SV2B: variants seen among roughly 807,000 people sequenced by gnomAD.
The protein encoded by SV2B is synaptic vesicle glycoprotein 2B.
A neutral mutation model predicts 73.9 loss-of-function variants in SV2B; 41 were observed. The ratio of observed to expected loss-of-function variants is 0.56; its 90% confidence interval spans 0.43 to 0.72. The LOEUF is 0.72. SV2B is among the 30% of genes least tolerant of loss of function. The pLI is 0.00. For missense variants in SV2B, 764 were observed against 857.8 expected (o/e 0.89, Z 1.37); for synonymous variants, 314 against 314.2 (o/e 1.00, Z 0.01).
At chr15:91,213,872 A>G (rs1392573401) in intron 1 of SV2B, among the ~76,000 whole-genome samples, 1 of 152,218 alleles carries the variant, frequency 6.6e-6, no homozygotes, top group Non-Finnish European at 1.5e-5. Context: ...GATAATTAAC[A>G]AGTTAGCAAG....
intron 1 of SV2B, among the ~76,000 whole-genome samples, chr15:91,149,471 G>T (rs1449591602): frequency 6.6e-6 from 1 of 152,192 alleles, no homozygotes; most frequent in Non-Finnish European, 1.5e-5. Context: ...TCTCAGAAGA[G>T]AAACTTGAGT....
rs1475450322 is a variant in SV2B, at chr15:91,137,072, TG to T, written c.-392+36713del. Among the ~76,000 whole-genome samples, 2 of 152,184 alleles carry T rather than the reference TG, an allele frequency of 1.3e-5. No individual in the cohort carries two copies. Among genetic ancestry groups the T allele is most frequent in the Non-Finnish European group, 2.9e-5 (2 of 68,028 alleles). On this transcript the variant is annotated intron_variant, in intron 1 of 12. Coordinates refer to ENST00000394232, the MANE Select transcript of SV2B (RefSeq NM_001323032.3). The surrounding 1 kb of genome is among the most constrained non-coding windows in gnomAD (Gnocchi z 4.9). ...ATGATGCAACTTGTAAACCAGTTAT[TG>T]GGGTGACTCGTAAGAAGCAGGCAGT...
At chr15:91,192,219 G>A (rs8029256) in intron 1 of SV2B, among the ~76,000 whole-genome samples, 6,668 of 152,206 alleles carry the variant, frequency 0.044, 504 homozygotes, top group African/African-American at 0.15. Flanking sequence ...TTGTGGCACT[G>A]TTTGTCCTAA....
Position 91,292,868 on chromosome 15 carries a change from A to G in SV2B, c.*316A>G, listed in dbSNP as rs1226863970. 4 of 210,052 alleles carry G rather than the reference A, an allele frequency of 1.9e-5. No individual in the cohort carries two copies. Among genetic ancestry groups the G allele is most frequent in the Non-Finnish European group, 3.8e-5 (4 of 106,268 alleles). 13.0% of individuals were successfully genotyped at this position (210,052 alleles called of 1,614,324 possible). A position where few individuals can be genotyped will look rare whatever the true frequency, so the allele number is the denominator to read the frequency against. On this transcript the variant is annotated 3_prime_UTR_variant, in exon 13 of 13. Transcript: ENST00000394232. ...GAGGAGCAAGCATTTCTCTAAGTCAAGTGCAAGGACTTAACTTGCGTTTGA... is the reference window on the plus strand; with the variant it reads ...GAGGAGCAAGCATTTCTCTAAGTCAGGTGCAAGGACTTAACTTGCGTTTGA...
rs1278193337 is a variant in SV2B, at chr15:91,234,527, C to A, written c.451+7813C>A. ...GTCTGACCTATGTAGACCTGTGGTA[C>A]TGGCTAGTTCATTGTGGCATTTTTA... On this transcript the variant is annotated intron_variant, in intron 2 of 12. Transcript: ENST00000394232. The surrounding 1 kb of genome is among the most constrained non-coding windows in gnomAD (Gnocchi z 5.6). 6.6e-6 allele frequency among the ~76,000 whole-genome samples: 1 copy of A among 152,182 alleles called. No homozygotes were observed. The highest frequency in any genetic ancestry group is 1.5e-5 in the Non-Finnish European group (1 of 68,032).
In SV2B at chr15:91,106,271, G is replaced by A. The variant is rs368279427; in HGVS notation, c.-392+5908G>A. Among the ~76,000 whole-genome samples, 6 of 152,320 alleles carry A rather than the reference G, an allele frequency of 3.9e-5. No individual in the cohort carries two copies. In the South Asian group the frequency reaches 1.0e-3, roughly 26 times the overall value. On this transcript the variant is annotated intron_variant, in intron 1 of 12. Transcript: ENST00000394232. This position sits in a 1 kb window ranked among gnomAD's most constrained non-coding sequence, Gnocchi z 4.4. ...ATGTTAAGTAGTTCATTGCATATGA[G>A]AGTCTAGAGTTCAGGGAAGAGTTTC...
intron 1 of SV2B, among the ~76,000 whole-genome samples, chr15:91,183,324 A>G (rs1463704588): frequency 6.6e-6 from 1 of 152,240 alleles, no homozygotes; most frequent in African/African-American, 2.4e-5. Flanking sequence ...TTGACTTTCT[A>G]TTGTATACTG....
chr15:91,170,851 G>T (rs756846282), intron 1 of SV2B, among the ~76,000 whole-genome samples: 1 of 147,146 alleles, frequency 6.8e-6, no homozygotes, highest in Non-Finnish European at 1.5e-5. Flanking sequence ...TTGTATTTAG[G>T]TTTTTTTTTT....
upstream of SV2B, chr15:91,100,145 C>T (rs868791535): frequency 3.3e-5 from 5 of 152,256 alleles, no homozygotes; most frequent in Middle Eastern, 6.8e-3. This position sits in a 1 kb window ranked among gnomAD's most constrained non-coding sequence, Gnocchi z 6.4. Context: ...CAGGAGCCTC[C>T]CGCCCCGCGT....
In SV2B at chr15:91,101,569, G is replaced by A. The variant is rs191053364; in HGVS notation, c.-392+1206G>A. 1.5e-3 allele frequency among the ~76,000 whole-genome samples: 225 copies of A among 152,288 alleles called. 1 individual carries two copies. The highest frequency in any genetic ancestry group is 1.9e-3 in the Non-Finnish European group (129 of 68,024). The stretch of plus-strand genomic sequence containing the variant: ...AGGAGGTGGATAAGTTCATGATGGT[G>A]TTGGAAAAGAGCAGTGAGAGCAGAG... On this transcript the variant is annotated intron_variant, in intron 1 of 12. Transcript: ENST00000394232.
chr15:91,197,621 A>T lies in SV2B; in HGVS notation c.-391-28252A>T, dbSNP rs923370750. Among the ~76,000 whole-genome samples, 1 of 152,242 alleles carries T rather than the reference A, an allele frequency of 6.6e-6. No individual in the cohort carries two copies. ...CAAGAATGGATAAGTAAGGAGAGTT[A>T]TCCCTAGGAATACTATATAGCAGTT... is the stretch of plus-strand genomic sequence containing the variant. On this transcript the variant is annotated intron_variant, in intron 1 of 12. Coordinates refer to ENST00000394232, the MANE Select transcript of SV2B (RefSeq NM_001323032.3). The surrounding 1 kb of genome is among the most constrained non-coding windows in gnomAD (Gnocchi z 4.9).
At chr15:91,230,068 C>T (rs939716042) in intron 2 of SV2B, among the ~76,000 whole-genome samples, 4 of 152,030 alleles carry the variant, frequency 2.6e-5, no homozygotes, top group South Asian at 2.1e-4. Context: ...TGGTGAAACC[C>T]GTGTCTACAA....
chr15:91,142,145 T>C (rs1596469439), intron 1 of SV2B, among the ~76,000 whole-genome samples: 1 of 152,186 alleles, frequency 6.6e-6, no homozygotes, highest in East Asian at 1.9e-4. Context: ...CCCCCTTGAC[T>C]CTGACTTCTG....
intron 2 of SV2B, among the ~76,000 whole-genome samples, chr15:91,249,247 C>A (rs1338818373): frequency 1.3e-5 from 2 of 152,176 alleles, no homozygotes; most frequent in Non-Finnish European, 2.9e-5. Context: ...CCTCAGTCAC[C>A]AAATGGAAAT....
At chr15:91,266,186 C>T (rs1450642236) in intron 6 of SV2B, among the ~76,000 whole-genome samples, 2 of 152,182 alleles carry the variant, frequency 1.3e-5, no homozygotes, top group East Asian at 1.9e-4. Flanking sequence ...AAAAACAAAA[C>T]CCCCCACTGT....
Position 91,286,101 on chromosome 15 carries a change from A to G in SV2B, c.1708+1880A>G, listed in dbSNP as rs1298661220. Among the ~76,000 whole-genome samples the G allele has an allele frequency of 2.0e-5, 3 of 152,188 alleles. No individual in the cohort carries two copies. The East Asian group carries it at 5.8e-4, about 29-fold the overall frequency. ...TGTCTCTGTTTTGTTTCTGCGCTAG[A>G]GGCAAGCTTGTTAAGAGCTGAGACA... On this transcript the variant is annotated intron_variant, in intron 11 of 12. Transcript: ENST00000394232.
chr15:91,193,458 G>T (rs2045121441), intron 1 of SV2B, among the ~76,000 whole-genome samples: 1 of 152,186 alleles, frequency 6.6e-6, no homozygotes, highest in Admixed American at 6.5e-5. Context: ...ACCCCCTTTG[G>T]GTGATCCAGA....
At chr15:91,176,470 A>C (rs2044313208) in intron 1 of SV2B, among the ~76,000 whole-genome samples, 2 of 152,050 alleles carry the variant, frequency 1.3e-5, no homozygotes, top group South Asian at 4.2e-4. Flanking sequence ...CGCCACACTG[A>C]CTTCCACAAG....
rs989587563 is a variant in SV2B, at chr15:91,265,345, A to T, written c.1009-1237A>T. Among the ~76,000 whole-genome samples the T allele has an allele frequency of 2.0e-5, 3 of 152,250 alleles. No individual in the cohort carries two copies. On this transcript the variant is annotated intron_variant, in intron 6 of 12. Coordinates refer to ENST00000394232, the MANE Select transcript of SV2B (RefSeq NM_001323032.3). This position sits in a 1 kb window ranked among gnomAD's most constrained non-coding sequence, Gnocchi z 4.2. ...CCACGATCTGCAGGGCTGGGGGAAC[A>T]CAGGCCATATTCTAATTTAGACTGA...
Sources: gnomAD v4.1 joint callset for allele counts (sites outside exome capture counted in the v4.1 genomes callset) on GRCh38, gnomAD v4.1.1 for gene constraint, Gnocchi (gnomAD v3.1) non-coding constraint, MANE v1.5 for transcripts, NCBI Gene and HGNC (gene_info 2026-07-23, HGNC 2026-07-21) for gene names.